PTBP2: variants seen among roughly 807,000 people sequenced by gnomAD.
The protein encoded by PTBP2 is polypyrimidine tract binding protein 2.
In PTBP2, 13 loss-of-function variants were observed where a neutral mutation model predicts 61.4. That is an observed-to-expected ratio of 0.21 (90% confidence interval 0.14 to 0.34). The LOEUF (loss-of-function observed/expected upper bound fraction) is 0.34. Ranked by LOEUF, PTBP2 falls within the 10% of genes least tolerant of loss-of-function variation. The pLI is 1.00. For missense variants in PTBP2, 405 were observed against 642.6 expected, an observed-to-expected ratio of 0.63 and a Z score of 4.00; for synonymous variants, 215 against 218.5, an observed-to-expected ratio of 0.98 and a Z score of 0.14.
At chr1:96,793,141 C>T (rs1317573280) in intron 8 of PTBP2, among the ~76,000 whole-genome samples, 1 of 152,196 alleles carries the variant, frequency 6.6e-6, no homozygotes, top group Non-Finnish European at 1.5e-5. Context: ...CTTCGGCTTT[C>T]TCATTTCATG....
At chr1:96,816,828 C>T (rs1662505533), downstream of PTBP2, 1 of 152,110 alleles carries the variant, frequency 6.6e-6, no homozygotes, top group Non-Finnish European at 1.5e-5. Flanking sequence ...ATTACAGAGG[C>T]TCAAATAGGA....
chr1:96,761,201 C>A (rs1655802917), intron 3 of PTBP2, among the ~76,000 whole-genome samples: 1 of 152,114 alleles, frequency 6.6e-6, no homozygotes, highest in Non-Finnish European at 1.5e-5. Flanking sequence ...AACTAAGTTG[C>A]AAAACAAATC....
intron 3 of PTBP2, among the ~76,000 whole-genome samples, chr1:96,766,554 G>T (rs909454823): frequency 2.6e-5 from 4 of 152,036 alleles, no homozygotes; most frequent in African/African-American, 9.7e-5. Context: ...TTCCATTTTT[G>T]GACCCTTTTT....
At chr1:96,723,092 A>C (rs776915102) in intron 1 of PTBP2, among the ~76,000 whole-genome samples, 2 of 152,156 alleles carry the variant, frequency 1.3e-5, no homozygotes, top group African/African-American at 4.8e-5. Flanking sequence ...ACAGAATTCA[A>C]ATCATCCTAG....
intron 3 of PTBP2, among the ~76,000 whole-genome samples, chr1:96,768,077 T>A (rs779151296): frequency 6.6e-6 from 1 of 152,078 alleles, no homozygotes; most frequent in Admixed American, 6.5e-5. Context: ...CCTTCTCTGA[T>A]CATCCAATAA....
intron 9 of PTBP2, among the ~76,000 whole-genome samples, chr1:96,805,863 A>G (rs527678168): frequency 5.7e-4 from 87 of 152,208 alleles, no homozygotes; most frequent in African/African-American, 2.0e-3. Context: ...TAAAATTCCT[A>G]TGCATGCTTT....
chr1:96,726,213 C>G (rs549565494), intron 2 of PTBP2, among the ~76,000 whole-genome samples: 4 of 148,960 alleles, frequency 2.7e-5, no homozygotes, highest in African/African-American at 9.9e-5. Flanking sequence ...TATATTAGCA[C>G]ACATATAAAC....
chr1:96,758,076 ATAAT>A (rs1051374830), intron 3 of PTBP2, among the ~76,000 whole-genome samples: 3 of 152,106 alleles, frequency 2.0e-5, no homozygotes, highest in Non-Finnish European at 4.4e-5. Context: ...TATAACATAA[ATAAT>A]ATAAAGTGGA....
At chr1:96,734,117 ACTT>A (rs1321992261) in intron 2 of PTBP2, among the ~76,000 whole-genome samples, 3 of 152,190 alleles carry the variant, frequency 2.0e-5, no homozygotes, top group African/African-American at 7.2e-5. Flanking sequence ...TTTGAGCAGT[ACTT>A]CTTTTTTAAA....
downstream of PTBP2, chr1:96,819,345 T>C (rs1662598034): frequency 6.6e-6 from 1 of 152,028 alleles, no homozygotes; most frequent in African/African-American, 2.4e-5. Context: ...TCAGGGGCTA[T>C]TCCCCATAAC....
At chr1:96,730,819 A>G (rs943222721) in intron 2 of PTBP2, among the ~76,000 whole-genome samples, 3 of 152,186 alleles carry the variant, frequency 2.0e-5, no homozygotes, top group African/African-American at 7.2e-5. Context: ...TGGACACTCA[A>G]GGGAGTATAA....
chr1:96,782,626 G>A (rs1170842164), intron 7 of PTBP2, among the ~76,000 whole-genome samples: 1 of 151,926 alleles, frequency 6.6e-6, no homozygotes, highest in East Asian at 1.9e-4. Context: ...AGTATTATAA[G>A]CTTAATTTTG....
At chr1:96,781,207 C>G (rs1347407671) in intron 7 of PTBP2, among the ~76,000 whole-genome samples, 5 of 152,008 alleles carry the variant, frequency 3.3e-5, no homozygotes, top group Non-Finnish European at 7.4e-5. Flanking sequence ...AGTAATAATT[C>G]TCTTTCATAT....
chr1:96,796,375 C>T (rs1392367477), intron 8 of PTBP2, among the ~76,000 whole-genome samples: 1 of 151,588 alleles, frequency 6.6e-6, no homozygotes, highest in Non-Finnish European at 1.5e-5. Context: ...TTCCTGTCAC[C>T]ATTATATGTC....
Position 96,813,366 on chromosome 1 carries a change from C to T in PTBP2, c.1557C>T (p.Asn519=). 1.2e-6 allele frequency: 2 copies of T among 1,601,426 alleles called. No individual in the cohort carries two copies. Among genetic ancestry groups the T allele is most frequent in the South Asian group, 2.3e-5 (2 of 88,826 alleles). Residue 519 remains asparagine (N), a synonymous_variant, in exon 14 of 14, where the codon AAC becomes AAT. Transcript: ENST00000674951. ...IDLHNYNLGE[N]HHLRVSFSKS... ...TTCATAATTATAACCTTGGAGAAAACCATCATCTGAGAGTGTCTTTCTCCA... is the reference window on the plus strand; with the variant it reads ...TTCATAATTATAACCTTGGAGAAAATCATCATCTGAGAGTGTCTTTCTCCA...
downstream of PTBP2, chr1:96,817,555 C>A (rs758589624): frequency 6.6e-6 from 1 of 151,858 alleles, no homozygotes; most frequent in African/African-American, 2.4e-5. Flanking sequence ...TTCAAATACG[C>A]GGAAAAATAA....
chr1:96,806,334 G>A, intron 9 of PTBP2, 85 bp from the exon 10 acceptor site: 3 of 1,136,558 alleles, frequency 2.6e-6, no homozygotes, highest in Non-Finnish European at 4.0e-6. Flanking sequence ...ACCACCCTTC[G>A]TTATGGATGA....
intron 8 of PTBP2, among the ~76,000 whole-genome samples, chr1:96,793,969 A>C (rs1432250345): frequency 1.3e-5 from 2 of 152,344 alleles, no homozygotes; most frequent in Middle Eastern, 3.4e-3. Flanking sequence ...ATAGGACTAT[A>C]AAATGTTTTT....
chr1:96,792,089 G>A (rs749872742), intron 8 of PTBP2, among the ~76,000 whole-genome samples: 6 of 151,804 alleles, frequency 4.0e-5, no homozygotes, highest in Non-Finnish European at 7.4e-5. Flanking sequence ...CTCCTGCCTC[G>A]GCCTCCCAAA....
Sources: gnomAD v4.1 joint callset for allele counts (sites outside exome capture counted in the v4.1 genomes callset) on GRCh38, gnomAD v4.1.1 for gene constraint, MANE v1.5 for transcripts, NCBI Gene and HGNC (gene_info 2026-07-23, HGNC 2026-07-21) for gene names.